The following KHDRBS3 variants were observed in gnomAD, a reference collection of about 807,000 sequenced individuals.
KHDRBS3 encodes KH RNA binding domain containing, signal transduction associated 3, also known as KH domain-containing, RNA-binding, signal transduction-associated protein 3.
In KHDRBS3, 23 loss-of-function variants were observed where a neutral mutation model predicts 45.6. That is an observed-to-expected ratio of 0.50 (90% confidence interval 0.36 to 0.72). The LOEUF is 0.72. Ranked by LOEUF, KHDRBS3 falls within the 30% of genes least tolerant of loss-of-function variation. The pLI, the probability that KHDRBS3 is intolerant of heterozygous loss-of-function variation, is 0.00. For synonymous variants in KHDRBS3, 162 were observed against 156.5 expected (o/e 1.04, Z -0.26); for missense variants, 352 against 424.8 (o/e 0.83, Z 1.51).
At chr8:135,540,080 A>G (rs1825969526) in intron 2 of KHDRBS3, 1 of 152,252 alleles carries the variant, frequency 6.6e-6, no homozygotes, top group Non-Finnish European at 1.5e-5. Context: ...AAATATGACT[A>G]TTTGACTATC....
intron 1 of KHDRBS3, among the ~76,000 whole-genome samples, chr8:135,494,200 A>AT (rs889277483): frequency 4.4e-4 from 49 of 111,426 alleles, no homozygotes; most frequent in African/African-American, 1.5e-3. Flanking sequence ...TGGTTTTATT[A>AT]TTTTTTTCCA....
intron 1 of KHDRBS3, among the ~76,000 whole-genome samples, chr8:135,463,044 A>G (rs1178303059): frequency 1.3e-5 from 2 of 152,182 alleles, no homozygotes; most frequent in African/African-American, 2.4e-5. Flanking sequence ...ACCTTTTTCA[A>G]AATGGGTTGG....
intron 4 of KHDRBS3, 152 bp from the exon 5 acceptor site, chr8:135,557,296 C>A: frequency 2.3e-6 from 1 of 433,432 alleles, no homozygotes; most frequent in Non-Finnish European, 3.9e-6. Context: ...AATTTATTAT[C>A]ACATTTTTAT....
chr8:135,509,417 T>G (rs1413303539), intron 1 of KHDRBS3, among the ~76,000 whole-genome samples: 1 of 152,190 alleles, frequency 6.6e-6, no homozygotes, highest in Non-Finnish European at 1.5e-5. Context: ...GACTGAATGT[T>G]TATAAAGCCT....
At chr8:135,533,574 T>C (rs970387440) in intron 2 of KHDRBS3, among the ~76,000 whole-genome samples, 1 of 152,180 alleles carries the variant, frequency 6.6e-6, no homozygotes, top group African/African-American at 2.4e-5. Context: ...AACTTAAGAC[T>C]GTGGAATATT....
At chr8:135,555,559 A>G (rs573777227) in intron 4 of KHDRBS3, among the ~76,000 whole-genome samples, 1 of 152,200 alleles carries the variant, frequency 6.6e-6, no homozygotes, top group South Asian at 2.1e-4. Context: ...ATTTCTGTGT[A>G]TAACATGAAG....
intron 7 of KHDRBS3, chr8:135,625,410 C>T (rs1208754116): frequency 2.6e-6 from 2 of 781,582 alleles, no homozygotes; most frequent in Non-Finnish European, 4.6e-6. Flanking sequence ...ACTCAGCTGC[C>T]TCATCGTGCC....
chr8:135,644,794 A>C (rs1831213029), intron 7 of KHDRBS3, among the ~76,000 whole-genome samples: 1 of 152,152 alleles, frequency 6.6e-6, no homozygotes, highest in South Asian at 2.1e-4. Context: ...TTAGGCACTT[A>C]CTGTGTGTTG....
chr8:135,466,965 T>C (rs760544905), intron 1 of KHDRBS3, among the ~76,000 whole-genome samples: 1 of 152,200 alleles, frequency 6.6e-6, no homozygotes, highest in Non-Finnish European at 1.5e-5. Flanking sequence ...TGTCATACAT[T>C]TTAAAATAAC....
chr8:135,536,680 G>A (rs1217876292), intron 2 of KHDRBS3, among the ~76,000 whole-genome samples: 1 of 152,090 alleles, frequency 6.6e-6, no homozygotes, highest in African/African-American at 2.4e-5. Context: ...AGAGATGTTG[G>A]CCGGGCGCGG....
chr8:135,616,226 G>A (rs1586809572), intron 7 of KHDRBS3, among the ~76,000 whole-genome samples: 1 of 152,136 alleles, frequency 6.6e-6, no homozygotes. Flanking sequence ...ATTTGAGCTT[G>A]ACCAAAGTCA....
At chr8:135,654,070 AT>A (rs1221885506) in intron 4 of KHDRBS3, among the ~76,000 whole-genome samples, 1 of 152,134 alleles carries the variant, frequency 6.6e-6, no homozygotes, top group Non-Finnish European at 1.5e-5. Context: ...TAAGTAAAGC[AT>A]TTTTTTAAAT....
intron 1 of KHDRBS3, among the ~76,000 whole-genome samples, chr8:135,466,039 T>C (rs987694158): frequency 6.6e-6 from 1 of 152,252 alleles, no homozygotes; most frequent in South Asian, 2.1e-4. Flanking sequence ...TCTGCTTTTC[T>C]TCCACTAGAT....
At chr8:135,550,624 T>C (rs2130804859) in intron 4 of KHDRBS3, among the ~76,000 whole-genome samples, 1 of 152,324 alleles carries the variant, frequency 6.6e-6, no homozygotes, top group South Asian at 2.1e-4. Flanking sequence ...TTAATTACTT[T>C]AGCCTTAAGT....
chr8:135,611,044 T>C (rs575293640), intron 7 of KHDRBS3, among the ~76,000 whole-genome samples: 10 of 152,084 alleles, frequency 6.6e-5, no homozygotes, highest in African/African-American at 2.2e-4. Flanking sequence ...TGTTATGTTA[T>C]AAATTATAAG....
intron 6 of KHDRBS3, among the ~76,000 whole-genome samples, chr8:135,601,112 A>G (rs553515966): frequency 2.0e-4 from 31 of 152,320 alleles, no homozygotes; most frequent in African/African-American, 7.5e-4. Context: ...CAGCTGAGGA[A>G]AATTCAGGAA....
chr8:135,604,822 T>C (rs1045172109), intron 6 of KHDRBS3, among the ~76,000 whole-genome samples: 1 of 151,908 alleles, frequency 6.6e-6, no homozygotes, highest in African/African-American at 2.4e-5. Context: ...GATTTACCAG[T>C]GTTCTTTGTT....
At chr8:135,491,563 T>C (rs1422099498) in intron 1 of KHDRBS3, among the ~76,000 whole-genome samples, 1 of 152,182 alleles carries the variant, frequency 6.6e-6, no homozygotes, top group Non-Finnish European at 1.5e-5. Context: ...GCAAGAAAAC[T>C]GCCCTGGTTT....
chr8:135,622,034 T>C (rs1830166957), intron 7 of KHDRBS3, among the ~76,000 whole-genome samples: 2 of 152,148 alleles, frequency 1.3e-5, no homozygotes, highest in Non-Finnish European at 2.9e-5. Context: ...TCCTGAGCTA[T>C]CATGTCTCCC....
Sources: gnomAD v4.1 joint callset for allele counts (sites outside exome capture counted in the v4.1 genomes callset) on GRCh38, gnomAD v4.1.1 for gene constraint, MANE v1.5 for transcripts, NCBI Gene and HGNC (gene_info 2026-07-23, HGNC 2026-07-21) for gene names.